The following NUP205 variants were observed in gnomAD, a reference collection of about 807,000 sequenced individuals.
NUP205 encodes the protein nuclear pore complex protein Nup205.
In NUP205, 76 loss-of-function variants were observed where a neutral mutation model predicts 253.8. The observed-to-expected ratio is 0.30, with a 90% CI of 0.25 to 0.36. NUP205 has a LOEUF of 0.36. Among genes scored for constraint, NUP205 ranks in the 10% least tolerant of loss-of-function variants. NUP205 has a pLI of 1.00. For missense variants in NUP205, 2,162 were observed against 2,425.5 expected (o/e 0.89, Z 2.28); for synonymous variants, 832 against 850.1 (o/e 0.98, Z 0.37).
chr7:135,562,356 C>A (rs1805607872), intron 1 of NUP205, among the ~76,000 whole-genome samples: 1 of 151,714 alleles, frequency 6.6e-6, no homozygotes, highest in African/African-American at 2.4e-5. Flanking sequence ...CACCACCACA[C>A]CTGGCTAATT....
intron 2 of NUP205, among the ~76,000 whole-genome samples, chr7:135,573,350 T>A (rs1806054647): frequency 6.6e-6 from 1 of 152,222 alleles, no homozygotes; most frequent in African/African-American, 2.4e-5. Flanking sequence ...TATTTTTATT[T>A]ATTATGTAAT....
At chr7:135,563,211 G>A (rs1467612516) in intron 1 of NUP205, among the ~76,000 whole-genome samples, 2 of 151,748 alleles carry the variant, frequency 1.3e-5, no homozygotes, top group Non-Finnish European at 2.9e-5. Context: ...TTTTTGAGAT[G>A]GAGTCTTACT....
chr7:135,619,754 A>G lies in NUP205; in HGVS notation c.4232-36A>G, dbSNP rs558791244. On this transcript the variant is annotated intron_variant, in intron 29 of 42. Coordinates refer to ENST00000285968, the MANE Select transcript of NUP205 (RefSeq NM_015135.3). ...GTATTTGTTTTAACTTTAATTGAGA[A>G]AAGATTTTCATTTGACATCTTCCTA... is the stretch of plus-strand genomic sequence containing the variant. The G allele has an allele frequency of 8.6e-5, 138 of 1,596,746 alleles. 3 individuals are homozygous for G. In the South Asian group the frequency reaches 1.5e-3, roughly 17 times the overall value.
At position 135,587,569 on chromosome 7, in the gene NUP205, T is replaced by G. The variant is rs370327898; in HGVS notation, c.1219-6T>G. The G allele has an allele frequency of 2.6e-6, 4 of 1,556,008 alleles. No individual in the cohort carries two copies. Among genetic ancestry groups the G allele is most frequent in the African/African-American group, 1.4e-5 (1 of 72,636 alleles). On this transcript the variant is annotated splice_region_variant and splice_polypyrimidine_tract_variant and intron_variant, in intron 8 of 42. Transcript: ENST00000285968. ...ATATTAAAACTATATCTAATAAATT[T>G]AATAGGTGAAACAGCTGAGGAATCG... is the stretch of plus-strand genomic sequence containing the variant.
chr7:135,614,855 T>C (rs887215103), intron 23 of NUP205, among the ~76,000 whole-genome samples: 3 of 152,222 alleles, frequency 2.0e-5, no homozygotes, highest in African/African-American at 7.2e-5. Context: ...CTTAGTCTGT[T>C]GAGTTTTTTA....
At chr7:135,567,915 A>C (rs946478003) in intron 1 of NUP205, among the ~76,000 whole-genome samples, 7 of 152,192 alleles carry the variant, frequency 4.6e-5, no homozygotes, top group Admixed American at 1.3e-4. Flanking sequence ...ATATTTTTTA[A>C]ATGGTGAGTC....
intron 3 of NUP205, among the ~76,000 whole-genome samples, chr7:135,575,701 A>C (rs1296833772): frequency 6.6e-6 from 1 of 152,196 alleles, no homozygotes; most frequent in East Asian, 1.9e-4. Context: ...AGGCTAAGGC[A>C]GGAGAATTGC....
At chr7:135,630,321 C>A in intron 34 of NUP205, 23 bp from the exon 35 acceptor site, 1 of 1,519,158 alleles carries the variant, frequency 6.6e-7, no homozygotes, top group Non-Finnish European at 8.8e-7. Flanking sequence ...TTTTTCTATT[C>A]CTCTTCCTTT....
intron 10 of NUP205, among the ~76,000 whole-genome samples, chr7:135,588,503 A>G (rs1363931251): frequency 1.3e-5 from 2 of 150,816 alleles, no homozygotes; most frequent in Non-Finnish European, 3.0e-5. Context: ...TTGATTTTGA[A>G]GTTAATGTAG....
chr7:135,630,375 C>G lies in NUP205; in HGVS notation c.4964C>G (p.Thr1655Ser), dbSNP rs1027548377. Reference protein sequence around the residue: ...VLQFLISHSDTIQAILRCQDV... With the variant: ...VLQFLISHSDSIQAILRCQDV... Reference sequence around the variant, plus strand: ...CAGTTTCTTATTTCACATTCTGATACCATACAAGCAATTCTGCGCTGTCAG... The same window carrying G: ...CAGTTTCTTATTTCACATTCTGATAGCATACAAGCAATTCTGCGCTGTCAG... The change falls in exon 35 of 43, where the codon ACC becomes AGC. Residue 1655 changes from threonine (T) to serine (S), a missense_variant. Thr to Ser is a moderately conservative substitution (Grantham distance 58). Around this residue, in one of 5 missense-constraint regions of NUP205, gnomAD observed 1,144 missense variants for 1,280.9 expected, o/e 0.89. Transcript: ENST00000285968. 1 of 1,603,614 alleles carries G rather than the reference C, an allele frequency of 6.2e-7. No homozygotes were observed.
chr7:135,628,092 A>G lies in NUP205; in HGVS notation c.4913A>G (p.His1638Arg). ...QVILTSSMAQ[H>R]LQAAGQVLQF... ...ATCCTCACATCTAGTATGGCCCAGCACTTGCAGGCAGCAGGGCAGGTAAGG... is the reference window on the plus strand; with the variant it reads ...ATCCTCACATCTAGTATGGCCCAGCGCTTGCAGGCAGCAGGGCAGGTAAGG... The change falls in exon 34 of 43, where the codon CAC becomes CGC. Residue 1638 changes from histidine to arginine, a missense_variant. This residue lies in a region of NUP205 where 1,144 missense variants were observed against 1,280.9 expected (regional missense o/e 0.89). Transcript: ENST00000285968. 3 of 1,608,920 alleles carry G rather than the reference A, an allele frequency of 1.9e-6. No individual in the cohort carries two copies. The South Asian group carries it at 3.3e-5, about 18-fold the overall frequency.
intron 39 of NUP205, 102 bp from the exon 40 acceptor site, chr7:135,644,793 T>C (rs904007646): frequency 9.0e-7 from 1 of 1,105,800 alleles, no homozygotes; most frequent in South Asian, 1.6e-5. Flanking sequence ...TAAATTTGAG[T>C]GTTTTTCATA....
chr7:135,601,532 C>G (rs748338167), intron 17 of NUP205, 25 bp downstream of exon 17: 20 of 1,596,510 alleles, frequency 1.3e-5, no homozygotes, highest in African/African-American at 2.7e-5. Flanking sequence ...GCCTTCATGT[C>G]TTGCAAACAG....
chr7:135,642,846 GTGTGTGTGTGTGTGT>G (rs1243072805), intron 38 of NUP205, among the ~76,000 whole-genome samples: 11 of 47,848 alleles, frequency 2.3e-4, no homozygotes, highest in Admixed American at 2.0e-3. Context: ...GTGGAGGGGT[GTGTGTGTGTGTGTGT>G]GTGTGTGTGT....
At chr7:135,641,499 G>A (rs1289312477) in intron 38 of NUP205, among the ~76,000 whole-genome samples, 2 of 152,182 alleles carry the variant, frequency 1.3e-5, no homozygotes, top group Non-Finnish European at 2.9e-5. Flanking sequence ...GCCAGGTGTG[G>A]TGGCTCACGC....
chr7:135,614,393 T>C (rs1054296663), intron 23 of NUP205, 120 bp downstream of exon 23: 5 of 597,636 alleles, frequency 8.4e-6, no homozygotes, highest in African/African-American at 3.9e-5. Context: ...TTCTTTGTTA[T>C]TTTGGGTTCT....
intron 22 of NUP205, among the ~76,000 whole-genome samples, chr7:135,607,731 TG>T (rs1794118762): frequency 1.3e-5 from 2 of 152,334 alleles, no homozygotes; most frequent in South Asian, 4.1e-4. Flanking sequence ...GGGCATGGCA[TG>T]AAACGTCTCT....
intron 1 of NUP205, among the ~76,000 whole-genome samples, chr7:135,560,091 C>A (rs1163553093): frequency 1.3e-5 from 2 of 152,124 alleles, no homozygotes; most frequent in African/African-American, 4.8e-5. Context: ...AGCTCCTGAC[C>A]CCGTGATTCA....
At chr7:135,648,292 A>G (rs1795051746) in intron 42 of NUP205, 112 bp from the exon 43 acceptor site, 1 of 864,400 alleles carries the variant, frequency 1.2e-6, no homozygotes, top group Non-Finnish European at 1.6e-6. Flanking sequence ...AAGTATTTAC[A>G]TTGAAAGAAC....
Sources: gnomAD v4.1 joint callset for allele counts (sites outside exome capture counted in the v4.1 genomes callset) on GRCh38, gnomAD v4.1.1 for gene constraint, gnomAD v4.1.1 regional missense constraint, MANE v1.5 for transcripts, NCBI Gene and HGNC (gene_info 2026-07-23, HGNC 2026-07-21) for gene names.